Variants in ATOX1 observed in about 807,000 individuals in gnomAD.
ATOX1 encodes antioxidant 1 copper chaperone.
Under a neutral mutation model 7.3 loss-of-function variants are expected in ATOX1, and 4 were observed. That is an observed-to-expected ratio of 0.55 (90% CI 0.27 to 1.25). The LOEUF (loss-of-function observed/expected upper bound fraction) is 1.25. Among genes scored for constraint, ATOX1 ranks in the 50% most tolerant of loss-of-function variants. ATOX1 has a pLI of 0.12. For missense variants in ATOX1, 68 were observed against 81.6 expected (o/e 0.83, Z 0.64); for synonymous variants, 25 against 28.7 (o/e 0.87, Z 0.41).
intron 3 of ATOX1, chr5:151,744,906 A>AG (rs2113174585): frequency 6.6e-6 from 1 of 152,356 alleles, no homozygotes; most frequent in Non-Finnish European, 1.5e-5. Flanking sequence ...GCAGGAAAGC[A>AG]GGTTGGAGGT....
At chr5:151,752,389 T>C (rs1366032369) in intron 1 of ATOX1, 1 of 701,268 alleles carries the variant, frequency 1.4e-6, no homozygotes, top group Non-Finnish European at 2.6e-6. Flanking sequence ...CCCAGTGGGT[T>C]GGAGGCCAGG....
intron 2 of ATOX1, among the ~76,000 whole-genome samples, chr5:151,747,024 G>A (rs4505934): frequency 0.19 from 27,914 of 150,692 alleles, 2,889 homozygotes; most frequent in African/African-American, 0.28. Flanking sequence ...ATGAGCCACC[G>A]TGCCCAGCCA....
chr5:151,748,920 C>T (rs763055394), intron 2 of ATOX1, among the ~76,000 whole-genome samples: 2 of 151,868 alleles, frequency 1.3e-5, no homozygotes, highest in Non-Finnish European at 2.9e-5. Flanking sequence ...CAAAGCAAGA[C>T]CCTGTCTCTA....
In ATOX1 at chr5:151,752,939, G is replaced by A. The variant is rs76325914; in HGVS notation, c.7-1160C>T. 1.4e-3 allele frequency among the ~76,000 whole-genome samples: 207 copies of A among 152,108 alleles called. 4 individuals carry two copies. The East Asian group carries it at 0.015, about 11-fold the overall frequency. On this transcript the variant is annotated intron_variant, in intron 1 of 3. Coordinates refer to ENST00000313115, the MANE Select transcript of ATOX1 (RefSeq NM_004045.4). The stretch of plus-strand genomic sequence containing the variant: ...TGAGTAATCCCATTCCACATGTCTC[G>A]GGTTGGTCTGTGTGTCTTATAGAAT...
chr5:151,746,123 A>G (rs918361358), intron 3 of ATOX1, 156 bp downstream of exon 3: 3 of 592,632 alleles, frequency 5.1e-6, no homozygotes, highest in Non-Finnish European at 5.6e-6. Context: ...AGACAATAAT[A>G]AAATATTTGT....
At chr5:151,751,559 A>C in intron 2 of ATOX1, 145 bp downstream of exon 2, 1 of 742,800 alleles carries the variant, frequency 1.3e-6, no homozygotes, top group Non-Finnish European at 2.1e-6. Flanking sequence ...CCACTAAGAA[A>C]ATAACAAGAG....
intron 1 of ATOX1, among the ~76,000 whole-genome samples, chr5:151,753,194 G>T (rs147807787): frequency 6.6e-6 from 1 of 152,230 alleles, no homozygotes; most frequent in Non-Finnish European, 1.5e-5. Context: ...TCCAGCTCCA[G>T]TCAAGCCTTC....
intron 1 of ATOX1, among the ~76,000 whole-genome samples, chr5:151,757,083 T>C (rs897989141): frequency 9.8e-5 from 15 of 152,342 alleles, no homozygotes; most frequent in Middle Eastern, 6.8e-3. Flanking sequence ...TAACACACTC[T>C]TCCCCTTCCA....
At position 151,747,927 on chromosome 5, in the gene ATOX1, G is replaced by A. The variant is rs190116753; in HGVS notation, c.83-1478C>T. Among the ~76,000 whole-genome samples, 5 of 152,258 alleles carry A rather than the reference G, an allele frequency of 3.3e-5. No homozygotes were observed. The East Asian group carries it at 9.6e-4, about 29-fold the overall frequency. Reference sequence around the variant, plus strand: ...AAAAGCTACAATCTTCCACAGTGTGGACGTACCACACATCCACTTAATTAA... The same window carrying A: ...AAAAGCTACAATCTTCCACAGTGTGAACGTACCACACATCCACTTAATTAA... On this transcript the variant is annotated intron_variant, in intron 2 of 3. Transcript: ENST00000313115.
chr5:151,746,780 C>T (rs1761884294), intron 2 of ATOX1, among the ~76,000 whole-genome samples: 1 of 152,214 alleles, frequency 6.6e-6, no homozygotes, highest in African/African-American at 2.4e-5. Flanking sequence ...GTTGCCCAGG[C>T]TGGAGTGCAG....
At chr5:151,755,153 T>C (rs28917182) in intron 1 of ATOX1, among the ~76,000 whole-genome samples, 4 of 152,182 alleles carry the variant, frequency 2.6e-5, no homozygotes, top group Non-Finnish European at 5.9e-5. Flanking sequence ...TTGCTGAGTC[T>C]TGCTCTAGGA....
Position 151,756,409 on chromosome 5 carries a change from T to C in ATOX1, c.6+2137A>G, listed in dbSNP as rs1209152314. 7.9e-5 allele frequency among the ~76,000 whole-genome samples: 12 copies of C among 152,136 alleles called. No individual in the cohort carries two copies. The South Asian group carries it at 2.1e-3, about 26-fold the overall frequency. ...AATGGGATTGAAAGCTGCCTGCCTATAGTTTTCTCTTCTCTTCTCTTCTTT... is the reference window on the plus strand; with the variant it reads ...AATGGGATTGAAAGCTGCCTGCCTACAGTTTTCTCTTCTCTTCTCTTCTTT... On this transcript the variant is annotated intron_variant, in intron 1 of 3. Transcript: ENST00000313115.
At chr5:151,751,570 T>A in intron 2 of ATOX1, 134 bp downstream of exon 2, 3 of 764,810 alleles carry the variant, frequency 3.9e-6, no homozygotes, top group Admixed American at 3.0e-5. Context: ...ATAACAAGAG[T>A]AGTTGGCACG....
intron 3 of ATOX1, chr5:151,746,072 C>T: frequency 2.4e-6 from 1 of 417,622 alleles, no homozygotes; most frequent in South Asian, 2.5e-5. Flanking sequence ...TCTGTCCACT[C>T]ACAGGGTCTG....
chr5:151,753,423 T>C (rs1216089404), intron 1 of ATOX1, among the ~76,000 whole-genome samples: 1 of 152,216 alleles, frequency 6.6e-6, no homozygotes, highest in Admixed American at 6.5e-5. Context: ...CTAGGTTCCG[T>C]TGGGTAAAAG....
intron 1 of ATOX1, chr5:151,752,066 T>C: frequency 1.7e-6 from 1 of 597,450 alleles, no homozygotes; most frequent in Non-Finnish European, 3.0e-6. Context: ...TTAAAATGCT[T>C]TTTCCCAGTC....
chr5:151,747,044 T>C (rs1378216731), intron 2 of ATOX1, among the ~76,000 whole-genome samples: 3 of 151,888 alleles, frequency 2.0e-5, no homozygotes, highest in Non-Finnish European at 4.4e-5. Flanking sequence ...ACCTTTTTTT[T>C]TTAATTGCAA....
intron 2 of ATOX1, among the ~76,000 whole-genome samples, chr5:151,748,653 G>C (rs2915824): frequency 0.54 from 82,495 of 151,942 alleles, 22,974 homozygotes; most frequent in East Asian, 0.68. Context: ...CTTGAGGTCA[G>C]AAGTTCAAGA....
intron 2 of ATOX1, among the ~76,000 whole-genome samples, chr5:151,750,858 C>T (rs1761940755): frequency 6.6e-6 from 1 of 151,612 alleles, no homozygotes; most frequent in Admixed American, 6.6e-5. Flanking sequence ...ACCATGTTGC[C>T]CAGGCTGGTC....
Sources: allele counts gnomAD v4.1 joint callset (sites outside exome capture counted in the v4.1 genomes callset), GRCh38; gene constraint gnomAD v4.1.1; transcripts MANE v1.5; gene names NCBI Gene and HGNC (gene_info 2026-07-23, HGNC 2026-07-21).